ZNF695: variants seen among roughly 807,000 people sequenced by gnomAD.
ZNF695 encodes zinc finger protein SBZF3.
A neutral mutation model predicts 11.2 loss-of-function variants in ZNF695; 11 were observed. The ratio of observed to expected loss-of-function variants is 0.98; its 90% CI spans 0.62 to 1.62. The LOEUF is 1.62. Among genes scored for constraint, ZNF695 ranks in the 40% most tolerant of loss-of-function variants. ZNF695 has a pLI of 0.00. For missense variants in ZNF695, 559 were observed against 590.5 expected, an observed-to-expected ratio of 0.95 and a Z score of 0.55; for synonymous variants, 190 against 201.4, an observed-to-expected ratio of 0.94 and a Z score of 0.48.
At chr1:246,982,939 C>G (rs112582195), downstream of ZNF695, among the ~76,000 whole-genome samples, 1 of 152,250 alleles carries the variant, frequency 6.6e-6, no homozygotes, top group African/African-American at 2.4e-5. Context: ...CACGGTGGCT[C>G]ACGCCTGTAA....
At chr1:246,990,316 C>T (rs981638587) in intron 3 of ZNF695, among the ~76,000 whole-genome samples, 4 of 152,050 alleles carry the variant, frequency 2.6e-5, no homozygotes, top group Admixed American at 6.6e-5. Context: ...GCAGGAGTCA[C>T]TATACTGGTG....
Position 246,987,633 on chromosome 1 carries a change from T to C in ZNF695, c.882A>G (p.Lys294=). The part of the protein sequence containing the change: ...TKHKKIHTGE[K]PYKCEECGKS... ...TGCCACATTCTTCACATTTGTATGG[T>C]TTCTCTCCAGTATGAATTTTCTTAT... Residue 294 remains lysine, a synonymous_variant, in exon 4 of 4, where the codon AAA becomes AAG. Transcript: ENST00000339986. The C allele has an allele frequency of 6.2e-7, 1 of 1,603,976 alleles. No homozygotes were observed. The highest frequency in any genetic ancestry group is 2.2e-5 in the East Asian group (1 of 44,832).
At chr1:246,973,574 T>A (rs1668482965) in intron 4 of ZNF695, among the ~76,000 whole-genome samples, 3 of 152,184 alleles carry the variant, frequency 2.0e-5, no homozygotes, top group Admixed American at 2.0e-4. Flanking sequence ...TATAAAAAAA[T>A]GATTACCACA....
intron 5 of ZNF695, among the ~76,000 whole-genome samples, chr1:246,957,536 T>C (rs1191823524): frequency 6.6e-6 from 1 of 152,198 alleles, no homozygotes; most frequent in East Asian, 1.9e-4. Flanking sequence ...TTTTCTAAAT[T>C]TTCCACGTGA....
In ZNF695 at chr1:246,987,164, GAT is replaced by G. The variant is rs1325670905; in HGVS notation, c.1349_1350del (p.Tyr450SerfsTer3). On this transcript the variant is annotated frameshift_variant, in exon 4 of 4. Coordinates refer to ENST00000339986, the MANE Select transcript of ZNF695 (RefSeq NM_020394.5). LOFTEE classifies it low-confidence loss of function (END_TRUNC). ...GTATGAATTCTCTTATGATTAGTAA[GAT>G]ATGAAAACCAGTTAAAAGCTTTGCC... ...ECGKAFNWFS[Y>X]LTNHKRIHTG... The G allele has an allele frequency of 6.2e-7, 1 of 1,613,866 alleles. No individual in the cohort carries two copies. The highest frequency in any genetic ancestry group is 8.5e-7 in the Non-Finnish European group (1 of 1,179,992).
intron 4 of ZNF695, among the ~76,000 whole-genome samples, chr1:246,970,570 G>C (rs1668399712): frequency 6.6e-6 from 1 of 152,206 alleles, no homozygotes; most frequent in African/African-American, 2.4e-5. Flanking sequence ...AATCTGGCAT[G>C]TATAAGGTGA....
chr1:246,958,050 TTTTG>T (rs539258062), intron 5 of ZNF695, among the ~76,000 whole-genome samples: 139 of 151,486 alleles, frequency 9.2e-4, no homozygotes, highest in Middle Eastern at 3.4e-3. Context: ...TTTTGTTTTG[TTTTG>T]TTTTTGTTTT....
chr1:246,979,725 TTGTTAG>T lies in ZNF695; in HGVS notation c.390+8394_390+8399del, dbSNP rs142668538. On this transcript the variant is annotated intron_variant, in intron 4 of 5. Transcript: ENST00000487338. ...TTTGTTTCACATAATTTGCTCATAA[TTGTTAG>T]TTTAGAGTATTCTTTAAAATGAATT... 977 of 100,788 alleles carry T rather than the reference TTGTTAG, an allele frequency of 9.7e-3. 8 individuals carry two copies. Among genetic ancestry groups the T allele is most frequent in the African/African-American group, 0.023 (929 of 39,802 alleles). 6.2% of individuals were successfully genotyped at this position (100,788 alleles called of 1,614,324 possible).
chr1:246,967,281 G>A (rs1390001308), intron 5 of ZNF695: 1 of 442,198 alleles, frequency 2.3e-6, no homozygotes, highest in Non-Finnish European at 4.5e-6. Context: ...AAAGCCACTG[G>A]ATTGAGAATA....
chr1:246,993,025 T>C (rs768575621), intron 3 of ZNF695, among the ~76,000 whole-genome samples: 2 of 152,216 alleles, frequency 1.3e-5, no homozygotes, highest in East Asian at 1.9e-4. Flanking sequence ...ATGGTTGTTA[T>C]AGCAGATGAG....
At chr1:246,966,884 G>A (rs1423777716) in intron 5 of ZNF695, 1 of 456,302 alleles carries the variant, frequency 2.2e-6, no homozygotes, top group Non-Finnish European at 4.4e-6. Context: ...AGTTATTGGA[G>A]GGTTTGAACA....
intron 4 of ZNF695, among the ~76,000 whole-genome samples, chr1:246,976,669 C>T (rs1445943184): frequency 1.3e-5 from 2 of 151,948 alleles, no homozygotes; most frequent in African/African-American, 2.4e-5. Flanking sequence ...TGGCGGGCAC[C>T]TGTAGTCCCA....
At chr1:247,005,168 CTACTT>C (rs1669496766) in intron 1 of ZNF695, among the ~76,000 whole-genome samples, 1 of 152,130 alleles carries the variant, frequency 6.6e-6, no homozygotes, top group African/African-American at 2.4e-5. Flanking sequence ...AAGAATTACT[CTACTT>C]GACTTCAGAT....
intron 4 of ZNF695, among the ~76,000 whole-genome samples, chr1:246,974,149 C>CA (rs1491080621): frequency 0.026 from 914 of 34,590 alleles, 7 homozygotes; most frequent in African/African-American, 0.049. Flanking sequence ...GAATAAAAAA[C>CA]AAACAAACAA....
At chr1:246,979,223 T>C (rs770610379) in intron 4 of ZNF695, among the ~76,000 whole-genome samples, 20 of 152,066 alleles carry the variant, frequency 1.3e-4, no homozygotes, top group Admixed American at 2.0e-4. Flanking sequence ...AACTCAAAAA[T>C]AGAGTCCTTT....
At chr1:247,004,378 A>T (rs113501429) in intron 1 of ZNF695, among the ~76,000 whole-genome samples, 5 of 152,194 alleles carry the variant, frequency 3.3e-5, no homozygotes, top group Admixed American at 1.3e-4. Flanking sequence ...AAAGAATTTC[A>T]TAAAATTCAA....
At chr1:246,979,993 A>T (rs1668663546) in intron 4 of ZNF695, 1 of 140,074 alleles carries the variant, frequency 7.1e-6, no homozygotes. Context: ...ACACGGTGAA[A>T]CCCCGTCTCT....
At chr1:246,969,701 C>T (rs573775015) in intron 4 of ZNF695, 2 of 152,318 alleles carry the variant, frequency 1.3e-5, no homozygotes, top group South Asian at 2.1e-4. Flanking sequence ...GAGATTTAGT[C>T]AGCTCAGGGT....
Position 246,998,184 on chromosome 1 carries a change from C to A in ZNF695, c.259+1164G>T, listed in dbSNP as rs74321611. On this transcript the variant is annotated intron_variant, in intron 3 of 3. Coordinates refer to ENST00000339986, the MANE Select transcript of ZNF695 (RefSeq NM_020394.5). ...TGTGTAAAAGAATCCACATTATACA[C>A]ATACATATATACACACACATATATA... 3.0e-3 allele frequency among the ~76,000 whole-genome samples: 454 copies of A among 152,198 alleles called. 3 individuals carry two copies. Among genetic ancestry groups the A allele is most frequent in the African/African-American group, 0.01 (417 of 41,498 alleles).
Sources: gnomAD v4.1 joint callset for allele counts (sites outside exome capture counted in the v4.1 genomes callset) on GRCh38, gnomAD v4.1.1 for gene constraint, MANE v1.5 for transcripts, NCBI Gene and HGNC (gene_info 2026-07-23, HGNC 2026-07-21) for gene names.